RSRC1: variants seen among roughly 807,000 people sequenced by gnomAD.
The protein encoded by RSRC1 is serine/Arginine-related protein 53.
A neutral mutation model predicts 49.1 loss-of-function variants in RSRC1; 39 were observed. That is an observed-to-expected ratio of 0.79 (90% confidence interval 0.61 to 1.04). The LOEUF (loss-of-function observed/expected upper bound fraction) is 1.04, where lower values mean the gene tolerates loss of function less well. Ranked by LOEUF, RSRC1 falls within the 50% of genes least tolerant of loss-of-function variation. The pLI, the probability that RSRC1 is intolerant of heterozygous loss-of-function variation, is 0.00. For missense variants in RSRC1, 388 were observed against 402.4 expected (o/e 0.96, Z 0.31); for synonymous variants, 143 against 130.8 (o/e 1.09, Z -0.63).
At chr3:158,190,866 T>G (rs1353770395) in intron 3 of RSRC1, among the ~76,000 whole-genome samples, 1 of 152,016 alleles carries the variant, frequency 6.6e-6, no homozygotes, top group Non-Finnish European at 1.5e-5. Flanking sequence ...TCGTATGGCT[T>G]TAACCCTTCT....
At position 158,438,890 on chromosome 3, in the gene RSRC1, A is replaced by G. The variant is rs140041060; in HGVS notation, c.584-22045A>G. On this transcript the variant is annotated intron_variant, in intron 6 of 9. Transcript: ENST00000611884. Reference sequence around the variant, plus strand: ...TATCGGAGTGACAGGCAACCTACAGAATAGGAAAATTTTTTGCAATCTACT... The same window carrying G: ...TATCGGAGTGACAGGCAACCTACAGGATAGGAAAATTTTTTGCAATCTACT... Among the ~76,000 whole-genome samples, 13 of 152,198 alleles carry G rather than the reference A, an allele frequency of 8.5e-5. No homozygotes were observed. In the East Asian group the frequency reaches 2.5e-3, roughly 29 times the overall value.
chr3:158,397,575 A>G (rs1578426267), intron 6 of RSRC1, among the ~76,000 whole-genome samples: 1 of 152,188 alleles, frequency 6.6e-6, no homozygotes, highest in East Asian at 1.9e-4. Flanking sequence ...AAAGATGTGT[A>G]GAAAAATATT....
intron 3 of RSRC1, among the ~76,000 whole-genome samples, chr3:158,185,528 G>A (rs1425145863): frequency 2.0e-5 from 3 of 151,720 alleles, no homozygotes; most frequent in African/African-American, 7.3e-5. Flanking sequence ...AATTATTGGT[G>A]CTGTAAACAT....
At chr3:158,132,016 C>T in intron 3 of RSRC1, 1 of 311,154 alleles carries the variant, frequency 3.2e-6, no homozygotes, top group East Asian at 8.4e-5. Flanking sequence ...CAGAGTGTTG[C>T]TCTGTCACCT....
intron 6 of RSRC1, among the ~76,000 whole-genome samples, chr3:158,404,508 C>T (rs777878142): frequency 6.6e-6 from 1 of 151,834 alleles, no homozygotes; most frequent in Non-Finnish European, 1.5e-5. Flanking sequence ...ATTGTTTTGT[C>T]GTCATGCTTT....
intron 3 of RSRC1, among the ~76,000 whole-genome samples, chr3:158,166,773 A>T (rs1298685694): frequency 6.6e-6 from 1 of 152,212 alleles, no homozygotes; most frequent in African/African-American, 2.4e-5. Flanking sequence ...AAATCAATCA[A>T]CTTGTTCTCT....
At chr3:158,497,185 A>G (rs1739366717) in intron 7 of RSRC1, among the ~76,000 whole-genome samples, 1 of 151,866 alleles carries the variant, frequency 6.6e-6, no homozygotes, top group Non-Finnish European at 1.5e-5. Flanking sequence ...GAAACTCTAT[A>G]CCCATTAAAC....
At chr3:158,518,815 T>G (rs763813474) in intron 7 of RSRC1, among the ~76,000 whole-genome samples, 2 of 152,196 alleles carry the variant, frequency 1.3e-5, no homozygotes, top group Non-Finnish European at 2.9e-5. Flanking sequence ...GTACTGAATC[T>G]GGTTTTTCTA....
chr3:158,268,292 T>A lies in RSRC1; in HGVS notation c.495-29747T>A, dbSNP rs181194868. Among the ~76,000 whole-genome samples the A allele has an allele frequency of 3.3e-3, 498 of 152,292 alleles. 1 individual carries two copies. The highest frequency in any genetic ancestry group is 0.012 in the African/African-American group (481 of 41,574). ...ATTTAAAAACGCATCAAAGGTATAT[T>A]TCTCTCTAATCTCTGGCTACTTTTT... On this transcript the variant is annotated intron_variant, in intron 4 of 9. Transcript: ENST00000611884.
intron 6 of RSRC1, among the ~76,000 whole-genome samples, chr3:158,393,367 C>T (rs1377390061): frequency 1.3e-5 from 2 of 151,606 alleles, no homozygotes; most frequent in African/African-American, 4.8e-5. Context: ...AAAAATCATA[C>T]AAGAGATCTA....
chr3:158,298,160 T>G, intron 5 of RSRC1, 85 bp downstream of exon 5: 1 of 1,009,792 alleles, frequency 9.9e-7, no homozygotes, highest in Non-Finnish European at 1.5e-6. Context: ...CTTTGAATAC[T>G]TTGTATTGAG....
In RSRC1 at chr3:158,121,683, T is replaced by C. The variant is rs73164071; in HGVS notation, c.-2-420T>C. ...AGGGAATGTGAGAATAAAGGAATAG[T>C]TGGTTGATTACTAAAGAAAATGTCA... On this transcript the variant is annotated intron_variant, in intron 1 of 9. Coordinates refer to ENST00000611884, the MANE Select transcript of RSRC1 (RefSeq NM_001271838.2). Among the ~76,000 whole-genome samples, 292 of 152,256 alleles carry C rather than the reference T, an allele frequency of 1.9e-3. 1 individual carries two copies. The highest frequency in any genetic ancestry group is 2.9e-3 in the Non-Finnish European group (199 of 67,996).
intron 7 of RSRC1, among the ~76,000 whole-genome samples, chr3:158,527,077 C>CTTTTTTTTTTT (rs543523088): frequency 9.1e-6 from 1 of 110,180 alleles, no homozygotes; most frequent in Non-Finnish European, 1.8e-5. Flanking sequence ...AGTTCAAAAT[C>CTTTTTTTTTTT]TTTTTTTTTT....
At chr3:158,460,866 T>G in intron 6 of RSRC1, 69 bp from the exon 7 acceptor site, 1 of 1,032,332 alleles carries the variant, frequency 9.7e-7, no homozygotes, top group Non-Finnish European at 1.4e-6. Flanking sequence ...TTCTAGTCCC[T>G]TTAACCAATA....
At chr3:158,422,365 G>A (rs1735120351) in intron 6 of RSRC1, among the ~76,000 whole-genome samples, 1 of 151,344 alleles carries the variant, frequency 6.6e-6, no homozygotes, top group African/African-American at 2.4e-5. Context: ...TGAGAATGAT[G>A]ATTTCCAATT....
chr3:158,477,253 G>A (rs1738407054), intron 7 of RSRC1, among the ~76,000 whole-genome samples: 1 of 151,904 alleles, frequency 6.6e-6, no homozygotes, highest in Non-Finnish European at 1.5e-5. Context: ...GCAGTGGCAG[G>A]GTTTAAGATT....
At chr3:158,407,236 A>G (rs1431614155) in intron 6 of RSRC1, among the ~76,000 whole-genome samples, 3 of 152,198 alleles carry the variant, frequency 2.0e-5, no homozygotes, top group Non-Finnish European at 4.4e-5. Flanking sequence ...TGCCAGAAAC[A>G]CAGGCTCCAA....
At chr3:158,237,220 C>T (rs552510272) in intron 4 of RSRC1, among the ~76,000 whole-genome samples, 3 of 152,052 alleles carry the variant, frequency 2.0e-5, no homozygotes, top group Non-Finnish European at 2.9e-5. Flanking sequence ...CAAGTCTTTG[C>T]GGAGAGATGT....
intron 7 of RSRC1, among the ~76,000 whole-genome samples, chr3:158,464,857 G>A (rs574193330): frequency 2.0e-4 from 30 of 151,824 alleles, no homozygotes; most frequent in African/African-American, 6.8e-4. Context: ...AGCTTGCTCT[G>A]TAGCTGATAA....
Sources: gnomAD v4.1 joint callset for allele counts (sites outside exome capture counted in the v4.1 genomes callset) on GRCh38, gnomAD v4.1.1 for gene constraint, MANE v1.5 for transcripts, NCBI Gene and HGNC (gene_info 2026-07-23, HGNC 2026-07-21) for gene names.